The following PHF11 variants were observed in gnomAD, a reference collection of about 807,000 sequenced individuals.
The protein encoded by PHF11 is PHD finger protein 11.
Under a neutral mutation model 40.5 loss-of-function variants are expected in PHF11, and 38 were observed. That is an observed-to-expected ratio of 0.94 (90% CI 0.72 to 1.23). The LOEUF (loss-of-function observed/expected upper bound fraction) is 1.23. Among genes scored for constraint, PHF11 ranks in the 50% most tolerant of loss-of-function variants. The pLI is 0.00. For missense variants in PHF11, 369 were observed against 392.4 expected, an observed-to-expected ratio of 0.94 and a Z score of 0.50; for synonymous variants, 127 against 138.2, an observed-to-expected ratio of 0.92 and a Z score of 0.57.
chr13:49,522,842 G>GCAAC (rs1959196229), intron 6 of PHF11, among the ~76,000 whole-genome samples: 1 of 139,842 alleles, frequency 7.2e-6, no homozygotes, highest in African/African-American at 2.7e-5. Context: ...TAAGCTCACT[G>GCAAC]CAACCTCTGC....
intron 2 of PHF11, among the ~76,000 whole-genome samples, chr13:49,510,144 C>A (rs1959063653): frequency 1.3e-5 from 2 of 152,124 alleles, no homozygotes; most frequent in Non-Finnish European, 2.9e-5. Context: ...CCCATCTCAG[C>A]CTCCAGAGTA....
chr13:49,517,404 T>C lies in PHF11; in HGVS notation c.325-614T>C, dbSNP rs1959166252. Among the ~76,000 whole-genome samples, 4 of 152,174 alleles carry C rather than the reference T, an allele frequency of 2.6e-5. No homozygotes were observed. In the South Asian group the frequency reaches 6.2e-4, roughly 24 times the overall value. On this transcript the variant is annotated intron_variant, in intron 3 of 9. Coordinates refer to ENST00000378319, the MANE Select transcript of PHF11 (RefSeq NM_001040443.3). Reference sequence around the variant, plus strand: ...TAGCCATCATGACACCACTGTCACATATAAAATACCAGATAGATAAATACA... The same window carrying C: ...TAGCCATCATGACACCACTGTCACACATAAAATACCAGATAGATAAATACA...
At chr13:49,522,308 A>G (rs1389407622) in intron 6 of PHF11, among the ~76,000 whole-genome samples, 1 of 152,206 alleles carries the variant, frequency 6.6e-6, no homozygotes, top group Non-Finnish European at 1.5e-5. Flanking sequence ...AAGCTCTTAG[A>G]TAATTCCTAG....
At chr13:49,523,038 C>G (rs867593429) in intron 6 of PHF11, 137 bp from the exon 7 acceptor site, 8 of 693,384 alleles carry the variant, frequency 1.2e-5, no homozygotes, top group South Asian at 1.1e-4. Flanking sequence ...GCTGAGATTA[C>G]AGGCGTGAGA....
chr13:49,502,399 A>G (rs1252341285), intron 1 of PHF11, among the ~76,000 whole-genome samples: 1 of 152,244 alleles, frequency 6.6e-6, no homozygotes, highest in Admixed American at 6.5e-5. Flanking sequence ...CAGAAATCAT[A>G]AAATAAATGA....
rs2139087490 is a variant in PHF11, at chr13:49,528,824, GCA to G, written c.*163_*164del. 1.8e-6 allele frequency: 1 copy of G among 571,282 alleles called. No homozygotes were observed. Among genetic ancestry groups the G allele is most frequent in the Admixed American group, 3.5e-5 (1 of 28,830 alleles). 35.4% of individuals were successfully genotyped at this position (571,282 alleles called of 1,614,324 possible). A position where few individuals can be genotyped will look rare whatever the true frequency, so the allele number is the denominator to read the frequency against. ...CTGGTTGACATTTTGATCACTCTTT[GCA>G]CACTCTTGTGTTTTTTGCTCACTGT... is the stretch of plus-strand genomic sequence containing the variant. On this transcript the variant is annotated 3_prime_UTR_variant, in exon 10 of 10. Transcript: ENST00000378319.
intron 2 of PHF11, among the ~76,000 whole-genome samples, chr13:49,508,306 A>G (rs1959036560): frequency 6.8e-6 from 1 of 147,180 alleles, no homozygotes; most frequent in Non-Finnish European, 1.5e-5. Context: ...TATAAATAAT[A>G]TGCATTTTAT....
intron 3 of PHF11, among the ~76,000 whole-genome samples, chr13:49,514,922 G>C (rs1959131740): frequency 6.6e-6 from 1 of 152,214 alleles, no homozygotes; most frequent in Non-Finnish European, 1.5e-5. Flanking sequence ...GAAAGTAGCA[G>C]ACAGACCTCA....
In PHF11 at chr13:49,499,110, T is replaced by C. The variant is rs117487168; in HGVS notation, c.94+3015T>C. Among the ~76,000 whole-genome samples, 404 of 152,358 alleles carry C rather than the reference T, an allele frequency of 2.7e-3. 2 individuals carry two copies. The highest frequency in any genetic ancestry group is 4.2e-3 in the Non-Finnish European group (283 of 68,034). ...TATCTCTTATTTCTGCATCTCTCAG[T>C]GTATCTGCTTTGTTCTTCTCTTTCT... On this transcript the variant is annotated intron_variant, in intron 1 of 9. Transcript: ENST00000378319.
chr13:49,518,043 G>C lies in PHF11; in HGVS notation c.350G>C (p.Gly117Ala), dbSNP rs1425621695. 4 of 1,569,478 alleles carry C rather than the reference G, an allele frequency of 2.5e-6. No homozygotes were observed. The highest frequency in any genetic ancestry group is 3.5e-6 in the Non-Finnish European group (4 of 1,147,800). Residue 117 changes from glycine to alanine, a missense_variant, in exon 4 of 10, where the codon GGA (glycine) becomes GCA (alanine). Gly to Ala is a moderately conservative substitution (Grantham distance 60). Transcript: ENST00000378319. ...AAATGCAAATTTTGTCATAAAAGAG[G>C]AGCCACCGTGGGATGTGATTTAAAA... ...KLKCKFCHKRGATVGCDLKNC... is the reference protein window; with the variant it reads ...KLKCKFCHKRAATVGCDLKNC...
chr13:49,528,746 A>G lies in PHF11; in HGVS notation c.*81A>G. ...AGAGACCAGGCTGTGAAATCCACAC[A>G]TCTTTAGAACTAGTCGTCTCCTCTT... On this transcript the variant is annotated 3_prime_UTR_variant, in exon 10 of 10. Coordinates refer to ENST00000378319, the MANE Select transcript of PHF11 (RefSeq NM_001040443.3). The G allele has an allele frequency of 9.9e-7, 1 of 1,010,196 alleles. No individual in the cohort carries two copies. Among genetic ancestry groups the G allele is most frequent in the Non-Finnish European group, 1.5e-6 (1 of 676,532 alleles). 62.6% of individuals were successfully genotyped at this position (1,010,196 alleles called of 1,614,324 possible). A position where few individuals can be genotyped will look rare whatever the true frequency, so the allele number is the denominator to read the frequency against.
intron 1 of PHF11, chr13:49,496,458 G>A (rs1314929676): frequency 9.8e-7 from 1 of 1,023,150 alleles, no homozygotes; most frequent in East Asian, 8.5e-5. Context: ...GGTAAACCAG[G>A]ACAGTGGAGG....
chr13:49,509,015 G>C (rs1959047946), intron 2 of PHF11, among the ~76,000 whole-genome samples: 1 of 152,118 alleles, frequency 6.6e-6, no homozygotes, highest in Non-Finnish European at 1.5e-5. Context: ...CTATTGAAAT[G>C]ATCCGGGTTC....
chr13:49,499,192 T>C (rs1958867730), intron 1 of PHF11, among the ~76,000 whole-genome samples: 1 of 152,212 alleles, frequency 6.6e-6, no homozygotes, highest in South Asian at 2.1e-4. Flanking sequence ...AGCCTCTCAG[T>C]TTTTACATCT....
intron 1 of PHF11, among the ~76,000 whole-genome samples, chr13:49,501,245 T>A (rs548408693): frequency 6.8e-4 from 103 of 152,208 alleles, no homozygotes; most frequent in African/African-American, 2.0e-3. Flanking sequence ...ACTCCCGACC[T>A]CAGGTGATCC....
chr13:49,528,642 T>G lies in PHF11; in HGVS notation c.973T>G (p.Ser325Ala). 6.2e-7 allele frequency: 1 copy of G among 1,607,106 alleles called. No homozygotes were observed. The highest frequency in any genetic ancestry group is 1.1e-5 in the South Asian group (1 of 89,694). ...ENRDLMSSST[S>A]ISSLSY ...TAGAGATCTTATGTCAAGTTCTACATCAATATCATCCCTGTCTTATTAGGG... is the reference window on the plus strand; with the variant it reads ...TAGAGATCTTATGTCAAGTTCTACAGCAATATCATCCCTGTCTTATTAGGG... The change falls in exon 10 of 10, where the codon TCA becomes GCA. Residue 325 changes from serine (S) to alanine (A), a missense_variant. Ser to Ala is a moderately conservative substitution (Grantham distance 99). Transcript: ENST00000378319.
intron 2 of PHF11, among the ~76,000 whole-genome samples, chr13:49,509,152 T>A (rs920194083): frequency 1.3e-5 from 2 of 152,142 alleles, no homozygotes; most frequent in African/African-American, 4.8e-5. Context: ...ACAAAGAACT[T>A]TTTTTGGTCA....
At chr13:49,499,656 G>A (rs1390584219) in intron 1 of PHF11, among the ~76,000 whole-genome samples, 2 of 152,196 alleles carry the variant, frequency 1.3e-5, no homozygotes, top group Non-Finnish European at 2.9e-5. Flanking sequence ...GTTTTGGTCT[G>A]TATCCAGTTC....
chr13:49,528,643 C>T lies in PHF11; in HGVS notation c.974C>T (p.Ser325Leu). The stretch of plus-strand genomic sequence containing the variant: ...AGAGATCTTATGTCAAGTTCTACAT[C>T]AATATCATCCCTGTCTTATTAGGGA... ...ENRDLMSSST[S>L]ISSLSY The change falls in exon 10 of 10, where the codon TCA becomes TTA. Residue 325 changes from serine to leucine, a missense_variant. By Grantham distance (145) the Ser-to-Leu change is moderately radical. Transcript: ENST00000378319. 4 of 1,605,298 alleles carry T rather than the reference C, an allele frequency of 2.5e-6. No individual in the cohort carries two copies. Among genetic ancestry groups the T allele is most frequent in the Non-Finnish European group, 3.4e-6 (4 of 1,175,886 alleles).
Sources: gnomAD v4.1 joint callset for allele counts (sites outside exome capture counted in the v4.1 genomes callset) on GRCh38, gnomAD v4.1.1 for gene constraint, MANE v1.5 for transcripts, NCBI Gene and HGNC (gene_info 2026-07-23, HGNC 2026-07-21) for gene names.